GALNT1: variants seen among roughly 807,000 people sequenced by gnomAD.
The protein encoded by GALNT1 is GalNAc transferase 1.
In GALNT1, 17 loss-of-function variants were observed where a neutral mutation model predicts 65.7. The observed-to-expected ratio is 0.26, with a 90% CI of 0.18 to 0.39. The LOEUF (loss-of-function observed/expected upper bound fraction) is 0.39, where lower values mean the gene tolerates loss of function less well. Ranked by LOEUF, GALNT1 falls within the 10% of genes least tolerant of loss-of-function variation. The pLI is 1.00. For missense variants in GALNT1, 460 were observed against 672.8 expected (o/e 0.68, Z 3.50); for synonymous variants, 210 against 219.7 (o/e 0.96, Z 0.39).
intron 1 of GALNT1, among the ~76,000 whole-genome samples, chr18:35,619,948 C>T (rs2046831065): frequency 6.6e-6 from 1 of 152,190 alleles, no homozygotes; most frequent in Non-Finnish European, 1.5e-5. Flanking sequence ...GAAACCACCT[C>T]TCCTCTGAGT....
intron 9 of GALNT1, among the ~76,000 whole-genome samples, chr18:35,699,828 C>T (rs1192992080): frequency 6.6e-6 from 1 of 152,174 alleles, no homozygotes; most frequent in Non-Finnish European, 1.5e-5. Flanking sequence ...ATTTTCATCC[C>T]AGTATAAACT....
chr18:35,667,433 C>T (rs1354097345), intron 3 of GALNT1, among the ~76,000 whole-genome samples: 1 of 152,088 alleles, frequency 6.6e-6, no homozygotes, highest in Non-Finnish European at 1.5e-5. Context: ...CAATATGTAG[C>T]TCTGAAAGAT....
At chr18:35,630,901 T>A (rs1169925689) in intron 1 of GALNT1, among the ~76,000 whole-genome samples, 16 of 152,154 alleles carry the variant, frequency 1.1e-4, no homozygotes, top group Non-Finnish European at 2.1e-4. Flanking sequence ...AAATACAAAC[T>A]ACCATCAGAG....
chr18:35,695,159 T>C (rs946836359), intron 9 of GALNT1, among the ~76,000 whole-genome samples: 1 of 152,178 alleles, frequency 6.6e-6, no homozygotes, highest in Non-Finnish European at 1.5e-5. Flanking sequence ...TGGTAAATTT[T>C]ATGTTATGTG....
chr18:35,620,291 T>G (rs1353430888), intron 1 of GALNT1, among the ~76,000 whole-genome samples: 1 of 152,182 alleles, frequency 6.6e-6, no homozygotes, highest in Non-Finnish European at 1.5e-5. Context: ...GTGAAGTTGG[T>G]CCCTTTAAAA....
At chr18:35,606,280 T>C (rs1051546720) in intron 1 of GALNT1, among the ~76,000 whole-genome samples, 4 of 152,160 alleles carry the variant, frequency 2.6e-5, no homozygotes, top group African/African-American at 9.7e-5. Context: ...CTAACCTATA[T>C]TTCTAGGGGA....
intron 1 of GALNT1, among the ~76,000 whole-genome samples, chr18:35,627,803 G>T (rs2046938560): frequency 6.6e-6 from 1 of 152,130 alleles, no homozygotes; most frequent in Non-Finnish European, 1.5e-5. Flanking sequence ...AGGGGTCAGG[G>T]AATTCCCTTT....
chr18:35,581,240 A>C (rs1233860929), upstream of GALNT1: 1 of 151,742 alleles, frequency 6.6e-6, no homozygotes, highest in Non-Finnish European at 1.5e-5. Context: ...TTGCTGCGGC[A>C]GCCTCTTTGT....
At chr18:35,664,536 A>G (rs538681851) in intron 3 of GALNT1, 6 of 152,208 alleles carry the variant, frequency 3.9e-5, no homozygotes, top group Non-Finnish European at 7.3e-5. Context: ...CTTTTGGAGG[A>G]CTTAAGTGCC....
intron 1 of GALNT1, among the ~76,000 whole-genome samples, chr18:35,634,923 T>G (rs1300849889): frequency 1.3e-5 from 2 of 152,228 alleles, no homozygotes; most frequent in Non-Finnish European, 2.9e-5. Flanking sequence ...TACACTGATT[T>G]ATTCATTTGA....
rs2046785539 is a variant in GALNT1 at position 35,616,524 on chromosome 18, T to TA, written c.-104+34663dup. ...TGCTTTGGACACTGGGTGTTTTTTT[T>TA]ATCTGACCTGCATTGCATATGGCTA... On this transcript the variant is annotated intron_variant, in intron 1 of 11. Transcript: ENST00000269195. Among the ~76,000 whole-genome samples, 5 of 152,330 alleles carry TA rather than the reference T, an allele frequency of 3.3e-5. No homozygotes were observed. In the East Asian group the frequency reaches 5.8e-4, roughly 18 times the overall value.
chr18:35,698,740 A>C (rs1385179059), intron 9 of GALNT1, among the ~76,000 whole-genome samples: 1 of 152,070 alleles, frequency 6.6e-6, no homozygotes, highest in Non-Finnish European at 1.5e-5. Context: ...GCACTTTGGG[A>C]GGCCGAGGTG....
At position 35,659,276 on chromosome 18, in the gene GALNT1, G is replaced by A. The variant is rs568829322; in HGVS notation, c.140-4352G>A. ...ATTGTGATAATGCTGAAGACTTCCT[G>A]TAACATTGTTGTTGATATGCTGTAC... On this transcript the variant is annotated intron_variant, in intron 2 of 11. Coordinates refer to ENST00000269195, the MANE Select transcript of GALNT1 (RefSeq NM_020474.4). 5.3e-5 allele frequency among the ~76,000 whole-genome samples: 8 copies of A among 152,288 alleles called. No homozygotes were observed. The South Asian group carries it at 1.5e-3, about 28-fold the overall frequency.
Position 35,705,341 on chromosome 18 carries a change from C to G in GALNT1, c.1533+1698C>G, listed in dbSNP as rs1207568275. Among the ~76,000 whole-genome samples, 3 of 152,308 alleles carry G rather than the reference C, an allele frequency of 2.0e-5. No homozygotes were observed. In the East Asian group the frequency reaches 5.8e-4, roughly 29 times the overall value. Reference sequence around the variant, plus strand: ...ACAGTCATCTCTGACCTCTATAAAGCTGTACTTGTTTGTAGTTATTTATCT... The same window carrying G: ...ACAGTCATCTCTGACCTCTATAAAGGTGTACTTGTTTGTAGTTATTTATCT... On this transcript the variant is annotated intron_variant, in intron 11 of 11. Transcript: ENST00000269195.
upstream of GALNT1, among the ~76,000 whole-genome samples, chr18:35,581,548 C>CCCGG (rs575908349): frequency 1 from 141,625 of 141,640 alleles, 70,805 homozygotes; most frequent in Middle Eastern, 1. Flanking sequence ...CGCCCTGCGG[C>CCCGG]GCCCGCCGCG....
intron 2 of GALNT1, among the ~76,000 whole-genome samples, chr18:35,656,073 T>C (rs1390496678): frequency 2.0e-5 from 3 of 152,266 alleles, no homozygotes; most frequent in African/African-American, 7.2e-5. Context: ...ATACTGTCTA[T>C]GTTTAAATCA....
chr18:35,629,383 A>G (rs954150633), intron 1 of GALNT1, among the ~76,000 whole-genome samples: 65 of 152,238 alleles, frequency 4.3e-4, no homozygotes, highest in Non-Finnish European at 7.8e-4. Context: ...CAGAAACTCT[A>G]CAAGCCAGAA....
At chr18:35,582,320 T>G (rs748959909) in intron 1 of GALNT1, among the ~76,000 whole-genome samples, 1 of 152,086 alleles carries the variant, frequency 6.6e-6, no homozygotes, top group Non-Finnish European at 1.5e-5. Flanking sequence ...TAGCAAATGT[T>G]TGTGGTTGGG....
At position 35,683,454 on chromosome 18, in the gene GALNT1, G is replaced by A. The variant is rs778080822; in HGVS notation, c.545G>A (p.Arg182Gln). 12 of 1,613,644 alleles carry A rather than the reference G, an allele frequency of 7.4e-6. No homozygotes were observed. Among genetic ancestry groups the A allele is most frequent in the African/African-American group, 5.3e-5 (4 of 74,888 alleles). ...KKLKVPVHVI[R>Q]MEQRSGLIRA... ...CTAAAAGTACCAGTTCATGTAATTC[G>A]AATGGAACAACGTTCTGGATTGATC... Residue 182 changes from arginine to glutamine, a missense_variant, in exon 5 of 12, where the codon CGA becomes CAA. Arg to Gln is a conservative substitution (Grantham distance 43, BLOSUM62 1). Transcript: ENST00000269195.
Sources: allele counts gnomAD v4.1 joint callset (sites outside exome capture counted in the v4.1 genomes callset), GRCh38; gene constraint gnomAD v4.1.1; transcripts MANE v1.5; gene names NCBI Gene and HGNC (gene_info 2026-07-23, HGNC 2026-07-21).